Variants in PLXNA1 observed in about 807,000 individuals in gnomAD.
PLXNA1 encodes the protein plexin-A1.
Under a neutral mutation model 191.7 loss-of-function variants are expected in PLXNA1, and 77 were observed. The observed-to-expected ratio is 0.40, with a 90% CI of 0.33 to 0.49. PLXNA1 has a LOEUF of 0.49. Ranked by LOEUF, PLXNA1 falls within the 20% of genes least tolerant of loss-of-function variation. The probability of loss-of-function intolerance (pLI) is 0.63; values close to 1 mark genes in which losing one functional copy is unlikely to be tolerated. For missense variants in PLXNA1, 2,110 were observed against 2,660.2 expected, an observed-to-expected ratio of 0.79 and a Z score of 4.55; for synonymous variants, 1,137 against 1,156.4, an observed-to-expected ratio of 0.98 and a Z score of 0.34.
Position 127,030,281 on chromosome 3 carries a change from C to A in PLXNA1, c.5100C>A (p.Thr1700=), listed in dbSNP as rs749354943. The A allele has an allele frequency of 2.5e-6, 4 of 1,613,902 alleles. No individual in the cohort carries two copies. In the South Asian group the frequency reaches 4.4e-5, roughly 18 times the overall value. The change falls in exon 29 of 32, where the codon ACC becomes ACA. Residue 1700 remains threonine (T), a synonymous_variant. Transcript: ENST00000393409. ...AGTTTGTGGACGACCTGTTTGAGAC[C>A]ATCTTCAGCACGGCACACCGGGGCT... ...LQKFVDDLFE[T]IFSTAHRGSA... is the part of the protein sequence containing the mutation.
intron 21 of PLXNA1, among the ~76,000 whole-genome samples, chr3:127,020,633 C>G (rs1473799863): frequency 6.6e-6 from 1 of 152,188 alleles, no homozygotes; most frequent in East Asian, 1.9e-4. Context: ...GGCTCTGGCC[C>G]CAGGGCCTCC....
chr3:127,028,073 A>G lies in PLXNA1; in HGVS notation c.4496A>G (p.Asp1499Gly), dbSNP rs779480272. The G allele has an allele frequency of 6.2e-7, 1 of 1,613,998 alleles. No individual in the cohort carries two copies. Among genetic ancestry groups the G allele is most frequent in the South Asian group, 1.1e-5 (1 of 91,084 alleles). Residue 1499 changes from aspartate (D) to glycine (G), a missense_variant, in exon 24 of 32, where the codon GAC becomes GGC. Asp to Gly is a moderately conservative substitution (Grantham distance 94). Coordinates refer to ENST00000393409, the MANE Select transcript of PLXNA1 (RefSeq NM_032242.4). ...GACAAGCTCATCCGGCAGCAGATTGACTACAAGACACTGGTGAGCGTGGCT... is the reference window on the plus strand; with the variant it reads ...GACAAGCTCATCCGGCAGCAGATTGGCTACAAGACACTGGTGAGCGTGGCT... ...SEDKLIRQQI[D>G]YKTLTLNCVN...
At chr3:127,026,793 A>G (rs1052047502) in intron 23 of PLXNA1, 2 of 152,236 alleles carry the variant, frequency 1.3e-5, no homozygotes, top group African/African-American at 4.8e-5. Flanking sequence ...ATTGAGGTGT[A>G]CACACACCTG....
At chr3:127,014,445 G>C (rs1261815407) in intron 12 of PLXNA1, 33 bp from the exon 13 acceptor site, 4 of 1,593,344 alleles carry the variant, frequency 2.5e-6, no homozygotes. Context: ...ACGCCCTGTG[G>C]GATGCCTGTA....
chr3:127,020,590 T>C (rs2079147509), intron 21 of PLXNA1, among the ~76,000 whole-genome samples: 1 of 152,174 alleles, frequency 6.6e-6, no homozygotes, highest in Non-Finnish European at 1.5e-5. Context: ...AGCACGGCTC[T>C]GCTCCATAAA....
Position 127,034,020 on chromosome 3 carries a change from C to T in PLXNA1, c.*3C>T. The T allele has an allele frequency of 6.3e-7, 1 of 1,594,516 alleles. No homozygotes were observed. Among genetic ancestry groups the T allele is most frequent in the Non-Finnish European group, 8.5e-7 (1 of 1,171,976 alleles). On this transcript the variant is annotated 3_prime_UTR_variant, in exon 32 of 32. Transcript: ENST00000393409. ...ACACGATGGCCCTGAGCAGCTGAGC[C>T]CCAGCTGTGATCATCCAGCATGATG...
chr3:127,017,385 C>T (rs1213232948), intron 17 of PLXNA1, 40 bp from the exon 18 acceptor site: 42 of 1,595,064 alleles, frequency 2.6e-5, no homozygotes, highest in Non-Finnish European at 3.3e-5. Context: ...CCGGGCCACT[C>T]GCGGAGGTCC....
intron 9 of PLXNA1, among the ~76,000 whole-genome samples, chr3:127,008,174 T>C (rs747543144): frequency 1.3e-4 from 20 of 152,126 alleles, no homozygotes; most frequent in Non-Finnish European, 2.5e-4. Context: ...TTCGTGACAC[T>C]CAGGGAGGGG....
In PLXNA1 at chr3:127,036,377, G is replaced by T. The variant is rs376741473; in HGVS notation, c.*2360G>T. 21 of 152,744 alleles carry T rather than the reference G, an allele frequency of 1.4e-4. No homozygotes were observed. The highest frequency in any genetic ancestry group is 5.0e-4 in the African/African-American group (21 of 41,590). 9.5% of individuals were successfully genotyped at this position (152,744 alleles called of 1,614,324 possible). ...TGGGGACGGCAGTGGTGATGAAGGG[G>T]GTGCACCACAGGCCTCATGAAGCAG... On this transcript the variant is annotated 3_prime_UTR_variant, in exon 32 of 32. Coordinates refer to ENST00000393409, the MANE Select transcript of PLXNA1 (RefSeq NM_032242.4).
intron 8 of PLXNA1, among the ~76,000 whole-genome samples, chr3:127,007,156 C>T (rs757517039): frequency 6.8e-4 from 103 of 152,050 alleles, no homozygotes; most frequent in Non-Finnish European, 1.1e-3. Context: ...GGGGAGCTGG[C>T]GGGTCAGGAG....
rs769129246 is a variant in PLXNA1, at chr3:126,991,468, T to C, written c.1279T>C (p.Phe427Leu). Residue 427 changes from phenylalanine to leucine, a missense_variant, in exon 3 of 32, where the codon TTC (phenylalanine) becomes CTC (leucine). Transcript: ENST00000393409. ...AGTCACCATTGAGGGGACGCCCCTG[T>C]TCGTGGACAAGGATGATGGCCTGAC... ...GTVTIEGTPLFVDKDDGLTAV... is the reference protein window; with the variant it reads ...GTVTIEGTPLLVDKDDGLTAV... 2 of 1,612,830 alleles carry C rather than the reference T, an allele frequency of 1.2e-6. No homozygotes were observed. The highest frequency in any genetic ancestry group is 1.7e-6 in the Non-Finnish European group (2 of 1,179,852).
At position 127,029,005 on chromosome 3, in the gene PLXNA1, G is replaced by A; in HGVS notation, c.4682G>A (p.Gly1561Asp). 6.2e-7 allele frequency: 1 copy of A among 1,612,672 alleles called. No individual in the cohort carries two copies. The highest frequency in any genetic ancestry group is 8.5e-7 in the Non-Finnish European group (1 of 1,179,754). ...AADMDLEWRQ[G>D]RMARIILQDE... Reference sequence around the variant, plus strand: ...CCTCCTCCCCCAGAGTGGCGCCAGGGCCGCATGGCGCGCATCATCCTGCAG... The same window carrying A: ...CCTCCTCCCCCAGAGTGGCGCCAGGACCGCATGGCGCGCATCATCCTGCAG... The change falls in exon 26 of 32, where the codon GGC (glycine) becomes GAC (aspartate). Residue 1561 changes from glycine to aspartate, a missense_variant. By Grantham distance (94) the Gly-to-Asp change is moderately conservative (BLOSUM62 -1). Around this residue, in one of 4 missense-constraint regions of PLXNA1, gnomAD observed 559 missense variants for 911.5 expected, o/e 0.61. Transcript: ENST00000393409.
chr3:127,008,085 G>A lies in PLXNA1; in HGVS notation c.2112+172G>A, dbSNP rs533144074. On this transcript the variant is annotated intron_variant, in intron 9 of 31. Transcript: ENST00000393409. ...CTGGGTCAGTGAGGTGACCCTGGAT[G>A]CCAGCTGGGAGGCCTGTGGGGTCAC... Among the ~76,000 whole-genome samples the A allele has an allele frequency of 2.2e-4, 33 of 152,328 alleles. 1 individual carries two copies. In the East Asian group the frequency reaches 4.8e-3, roughly 22 times the overall value.
In PLXNA1 at chr3:127,028,313, C is replaced by G; in HGVS notation, c.4642C>G (p.Arg1548Gly). ...CTACAAGGGCGTGCCCTACTCCCAG[C>G]GGCCCAAGGCCGCGGACATGGACCT... ...AAYKGVPYSQ[R>G]PKAADMDLEW... Residue 1548 changes from arginine (R) to glycine (G), a missense_variant, in exon 25 of 32, where the codon CGG becomes GGG. Physicochemically the swap from Arg to Gly is moderately radical, Grantham distance 125 (BLOSUM62 -2). Around this residue, in one of 4 missense-constraint regions of PLXNA1, gnomAD observed 559 missense variants for 911.5 expected, o/e 0.61. Coordinates refer to ENST00000393409, the MANE Select transcript of PLXNA1 (RefSeq NM_032242.4). 6.2e-7 allele frequency: 1 copy of G among 1,612,058 alleles called. No homozygotes were observed. The highest frequency in any genetic ancestry group is 8.5e-7 in the Non-Finnish European group (1 of 1,179,834).
intron 3 of PLXNA1, among the ~76,000 whole-genome samples, chr3:127,001,394 A>G (rs949385820): frequency 1.3e-5 from 2 of 152,114 alleles, no homozygotes; most frequent in African/African-American, 4.8e-5. Context: ...ATGCCGGGCC[A>G]GGGTCCATCA....
chr3:126,983,541 C>G (rs1019477502), intron 1 of PLXNA1, among the ~76,000 whole-genome samples: 14 of 146,496 alleles, frequency 9.6e-5, no homozygotes, highest in Non-Finnish European at 1.8e-4. Flanking sequence ...GTCGCGGCGC[C>G]GACGCGGAGA....
chr3:126,987,073 A>C (rs1208048308), intron 1 of PLXNA1, among the ~76,000 whole-genome samples: 1 of 152,254 alleles, frequency 6.6e-6, no homozygotes, highest in Non-Finnish European at 1.5e-5. Flanking sequence ...AGCAGGCCCT[A>C]CTGACAACCA....
intron 8 of PLXNA1, among the ~76,000 whole-genome samples, chr3:127,006,507 T>A: frequency 6.6e-6 from 1 of 152,140 alleles, no homozygotes; most frequent in South Asian, 2.1e-4. Context: ...CAGGTGGCTG[T>A]GTATGGCTGC....
chr3:127,027,855 C>A (rs1428008924), intron 23 of PLXNA1, 85 bp from the exon 24 acceptor site: 3 of 1,570,490 alleles, frequency 1.9e-6, no homozygotes, highest in East Asian at 4.6e-5. Flanking sequence ...CCAGGAACAC[C>A]ATGGCTGGCA....
Sources: gnomAD v4.1 joint callset for allele counts (sites outside exome capture counted in the v4.1 genomes callset) on GRCh38, gnomAD v4.1.1 for gene constraint, gnomAD v4.1.1 regional missense constraint, MANE v1.5 for transcripts, NCBI Gene and HGNC (gene_info 2026-07-23, HGNC 2026-07-21) for gene names.